NFKB1: variants seen among roughly 807,000 people sequenced by gnomAD.
NFKB1 encodes the protein nuclear factor kappa B subunit 1.
Under a neutral mutation model 105.1 loss-of-function variants are expected in NFKB1, and 9 were observed. The ratio of observed to expected loss-of-function variants is 0.09; its 90% CI spans 0.05 to 0.15. NFKB1 has a LOEUF of 0.15. NFKB1 is among the 10% of genes least tolerant of loss of function. The pLI is 1.00. For synonymous variants in NFKB1, 440 were observed against 442.2 expected, an observed-to-expected ratio of 1.00 and a Z score of 0.06; for missense variants, 830 against 1,203.7, an observed-to-expected ratio of 0.69 and a Z score of 4.59.
chr4:102,616,283 C>T (rs1473495792), intron 23 of NFKB1, 151 bp from the exon 24 acceptor site: 2 of 771,832 alleles, frequency 2.6e-6, no homozygotes, highest in African/African-American at 1.7e-5. Flanking sequence ...TTCTGCCCTT[C>T]CCACCACGGT....
chr4:102,546,984 GA>G (rs1722188948), intron 5 of NFKB1, among the ~76,000 whole-genome samples: 1 of 152,118 alleles, frequency 6.6e-6, no homozygotes, highest in Non-Finnish European at 1.5e-5. Context: ...CCACATTGGG[GA>G]TACCCTCAGA....
intron 15 of NFKB1, among the ~76,000 whole-genome samples, chr4:102,600,497 A>T (rs546300093): frequency 6.6e-6 from 1 of 152,234 alleles, no homozygotes; most frequent in African/African-American, 2.4e-5. Context: ...TTCATTTTAC[A>T]TAGAATCTGT....
chr4:102,601,487 G>A (rs1303933391), intron 16 of NFKB1, among the ~76,000 whole-genome samples: 1 of 152,224 alleles, frequency 6.6e-6, no homozygotes, highest in Non-Finnish European at 1.5e-5. Context: ...AGGAGGAAAA[G>A]GTGTCTTTCA....
At chr4:102,529,694 AC>A in intron 2 of NFKB1, 141 bp from the exon 3 acceptor site, 1 of 649,366 alleles carries the variant, frequency 1.5e-6, no homozygotes, top group Non-Finnish European at 2.7e-6. Flanking sequence ...ATCTTTTAAA[AC>A]CCTGATTTAA....
intron 3 of NFKB1, among the ~76,000 whole-genome samples, chr4:102,532,917 G>A (rs1286431666): frequency 6.6e-6 from 1 of 152,104 alleles, no homozygotes; most frequent in Non-Finnish European, 1.5e-5. Flanking sequence ...GGAAGCTTAA[G>A]GACTTTTTCA....
At chr4:102,502,963 C>T (rs1739186974) in intron 1 of NFKB1, among the ~76,000 whole-genome samples, 1 of 151,980 alleles carries the variant, frequency 6.6e-6, no homozygotes, top group Non-Finnish European at 1.5e-5. Context: ...AGCAGAATCC[C>T]ACAACTGAAT....
At chr4:102,586,916 A>G (rs1377735600) in intron 11 of NFKB1, among the ~76,000 whole-genome samples, 2 of 152,244 alleles carry the variant, frequency 1.3e-5, no homozygotes, top group African/African-American at 4.8e-5. Context: ...CTTTCCTAGA[A>G]TTCGTGCTGC....
At chr4:102,515,293 G>T (rs1337692793) in intron 1 of NFKB1, among the ~76,000 whole-genome samples, 2 of 149,752 alleles carry the variant, frequency 1.3e-5, no homozygotes, top group African/African-American at 4.9e-5. Context: ...TGTATTTTTA[G>T]TAGAGACGGG....
intron 1 of NFKB1, among the ~76,000 whole-genome samples, chr4:102,502,398 A>G (rs1248497406): frequency 0.011 from 1,318 of 123,608 alleles, 11 homozygotes; most frequent in South Asian, 0.017. Flanking sequence ...GCGCACACAC[A>G]CACACACACA....
chr4:102,511,565 C>G (rs901466754), intron 1 of NFKB1, among the ~76,000 whole-genome samples: 5 of 152,040 alleles, frequency 3.3e-5, no homozygotes, highest in Non-Finnish European at 7.4e-5. Context: ...GGTCCCAGCT[C>G]TTCAGGAGGC....
chr4:102,528,174 G>C (rs577276402), intron 2 of NFKB1, among the ~76,000 whole-genome samples: 1 of 152,138 alleles, frequency 6.6e-6, no homozygotes, highest in African/African-American at 2.4e-5. Flanking sequence ...CTCTCCTAAG[G>C]TGAGCCCTTT....
intron 5 of NFKB1, among the ~76,000 whole-genome samples, chr4:102,554,694 T>G (rs765367827): frequency 2.6e-5 from 4 of 152,176 alleles, no homozygotes; most frequent in Non-Finnish European, 5.9e-5. Flanking sequence ...GAGAAAGCCC[T>G]CCTCATGCAG....
chr4:102,528,368 G>A (rs962677153), intron 2 of NFKB1, among the ~76,000 whole-genome samples: 23 of 152,194 alleles, frequency 1.5e-4, no homozygotes, highest in Admixed American at 1.4e-3. Flanking sequence ...AATCTTATAA[G>A]CATTGAAGTG....
chr4:102,536,253 T>G (rs1185421685), intron 4 of NFKB1, among the ~76,000 whole-genome samples: 1 of 152,176 alleles, frequency 6.6e-6, no homozygotes, highest in African/African-American at 2.4e-5. Context: ...ATATGAATTG[T>G]GTGAGAATCA....
chr4:102,608,682 G>T (rs1357048052), intron 19 of NFKB1, among the ~76,000 whole-genome samples: 1 of 151,026 alleles, frequency 6.6e-6, no homozygotes. Flanking sequence ...AACTTAAAAG[G>T]TAAATGCTTC....
intron 1 of NFKB1, among the ~76,000 whole-genome samples, chr4:102,509,334 C>T (rs1341561849): frequency 6.6e-6 from 1 of 152,162 alleles, no homozygotes; most frequent in East Asian, 1.9e-4. Context: ...ATCATTTACC[C>T]TGCAGTTACA....
rs1160281218 is a variant in NFKB1, at chr4:102,597,580, A to C, written c.1556A>C (p.Asp519Ala). The C allele has an allele frequency of 6.2e-7, 1 of 1,613,994 alleles. No individual in the cohort carries two copies. The highest frequency in any genetic ancestry group is 2.2e-5 in the East Asian group (1 of 44,886). ...AAGAGGCATGCCAATGCCCTTTTCG[A>C]CTACGCGGTGACAGGAGACGTGAAG... is the stretch of plus-strand genomic sequence containing the variant. The part of the protein sequence containing the change: ...LAKRHANALF[D>A]YAVTGDVKML... Residue 519 changes from aspartate to alanine, a missense_variant, in exon 15 of 24, where the codon GAC (aspartate) becomes GCC (alanine). Transcript: ENST00000226574.
chr4:102,578,611 G>A (rs1231415117), intron 7 of NFKB1: 8 of 484,108 alleles, frequency 1.7e-5, no homozygotes, highest in Non-Finnish European at 2.9e-5. Context: ...GGGAAAGGTG[G>A]GGGAAGGACA....
Position 102,606,492 on chromosome 4 carries a change from C to A in NFKB1, c.1753-4C>A. 1.2e-6 allele frequency: 2 copies of A among 1,613,774 alleles called. No individual in the cohort carries two copies. Among genetic ancestry groups the A allele is most frequent in the Non-Finnish European group, 1.7e-6 (2 of 1,179,894 alleles). On this transcript the variant is annotated splice_polypyrimidine_tract_variant and splice_region_variant and intron_variant, in intron 16 of 23. Transcript: ENST00000226574. ...AGTGAATCTCCTGCCCTTTCACTTT[C>A]CAGACGCCCTTGCACTTGGCAGTGA...
Sources: gnomAD v4.1 joint callset for allele counts (sites outside exome capture counted in the v4.1 genomes callset) on GRCh38, gnomAD v4.1.1 for gene constraint, MANE v1.5 for transcripts, NCBI Gene and HGNC (gene_info 2026-07-23, HGNC 2026-07-21) for gene names.